The following GPHN variants were observed in gnomAD, a reference collection of about 807,000 sequenced individuals.
The protein encoded by GPHN is gephyrin.
Under a neutral mutation model 95.5 loss-of-function variants are expected in GPHN, and 17 were observed. The ratio of observed to expected loss-of-function variants is 0.18; its 90% CI spans 0.12 to 0.27. The LOEUF is 0.27. Ranked by LOEUF, GPHN falls within the 10% of genes least tolerant of loss-of-function variation. The probability of loss-of-function intolerance (pLI) is 1.00; values close to 1 mark genes in which losing one functional copy is unlikely to be tolerated. For synonymous variants in GPHN, 320 were observed against 322.5 expected, an observed-to-expected ratio of 0.99 and a Z score of 0.08; for missense variants, 660 against 978.1, an observed-to-expected ratio of 0.67 and a Z score of 4.34.
chr14:66,833,502 C>T (rs562898757), intron 4 of GPHN, among the ~76,000 whole-genome samples: 1 of 152,068 alleles, frequency 6.6e-6, no homozygotes, highest in Non-Finnish European at 1.5e-5. Context: ...TCCTTGGAAA[C>T]GAGAATTCAT....
At chr14:67,281,810 AT>A in the GPHN span, among the ~76,000 whole-genome samples, 45 of 146,774 alleles carry the variant, frequency 3.1e-4, no homozygotes, top group Non-Finnish European at 2.3e-4. Context: ...ATTTCTCTTA[AT>A]TTTTTTTTTT....
the GPHN span, chr14:67,561,942 CT>C: frequency 1.3e-6 from 2 of 1,599,212 alleles, no homozygotes; most frequent in East Asian, 2.2e-5. Context: ...CTTCATTTTT[CT>C]TTTTGCTCAG....
intron 2 of GPHN, among the ~76,000 whole-genome samples, chr14:66,732,663 C>T (rs972788245): frequency 3.3e-5 from 5 of 150,042 alleles, no homozygotes; most frequent in African/African-American, 7.5e-5. Context: ...ACTACAGGCA[C>T]GCACTACCAC....
At chr14:67,392,213 G>T in the GPHN span, 1 of 744,110 alleles carries the variant, frequency 1.3e-6, no homozygotes, top group South Asian at 1.5e-5. Context: ...CGTAGATTTT[G>T]CTGTAATTGG....
At chr14:67,725,268 G>C in the GPHN span, 1 of 1,612,448 alleles carries the variant, frequency 6.2e-7, no homozygotes, top group East Asian at 2.2e-5. Context: ...AGGTCCTGAT[G>C]GGTAGGTAGA....
intron 11 of GPHN, among the ~76,000 whole-genome samples, chr14:67,063,590 GTCCTCTT>G: frequency 6.6e-6 from 1 of 152,204 alleles, no homozygotes; most frequent in Admixed American, 6.5e-5. Context: ...ATTTGTTTGT[GTCCTCTT>G]TTATTTCATT....
intron 3 of GPHN, among the ~76,000 whole-genome samples, chr14:66,777,891 G>A (rs1357732465): frequency 5.7e-4 from 86 of 152,144 alleles, no homozygotes; most frequent in Non-Finnish European, 8.5e-4. Context: ...AAAACTGGAA[G>A]CATTCCCTTT....
chr14:67,322,366 A>C, the GPHN span, among the ~76,000 whole-genome samples: 1 of 152,048 alleles, frequency 6.6e-6, no homozygotes, highest in South Asian at 2.1e-4. Flanking sequence ...AAACAAAAAA[A>C]CCTAATTTTA....
chr14:66,826,716 G>A (rs986063362), intron 4 of GPHN, among the ~76,000 whole-genome samples: 1 of 152,164 alleles, frequency 6.6e-6, no homozygotes, highest in Admixed American at 6.6e-5. Flanking sequence ...GAGATGCACA[G>A]GGCAAGGTAT....
intron 8 of GPHN, among the ~76,000 whole-genome samples, chr14:66,927,443 TG>T (rs1232453002): frequency 6.6e-6 from 1 of 152,234 alleles, no homozygotes; most frequent in Non-Finnish European, 1.5e-5. Flanking sequence ...AATGGTTTTT[TG>T]TTGGAGTCTT....
the GPHN span, among the ~76,000 whole-genome samples, chr14:67,558,828 A>G: frequency 6.6e-6 from 1 of 152,258 alleles, no homozygotes; most frequent in African/African-American, 2.4e-5. Context: ...TTTGTGGGCC[A>G]CAGGTCTCTG....
the GPHN span, chr14:67,454,724 G>A: frequency 6.6e-6 from 1 of 152,184 alleles, no homozygotes; most frequent in Non-Finnish European, 1.5e-5. Flanking sequence ...ACTTTAATAA[G>A]TTATATAATA....
chr14:67,347,377 A>T, the GPHN span: 3 of 1,548,716 alleles, frequency 1.9e-6, no homozygotes, highest in Admixed American at 3.5e-5. Flanking sequence ...AATCCCAGAG[A>T]CACAAAGTAA....
At chr14:67,590,947 A>T in the GPHN span, among the ~76,000 whole-genome samples, 38 of 152,354 alleles carry the variant, frequency 2.5e-4, no homozygotes, top group African/African-American at 8.2e-4. Context: ...GTGCAGTTTA[A>T]TATGTAAATA....
chr14:66,666,140 T>C (rs987816706), intron 1 of GPHN, among the ~76,000 whole-genome samples: 1 of 151,796 alleles, frequency 6.6e-6, no homozygotes, highest in South Asian at 2.1e-4. Flanking sequence ...TTAGGAGATA[T>C]ACCTAATGTA....
intron 18 of GPHN, among the ~76,000 whole-genome samples, chr14:67,149,559 A>G (rs973467450): frequency 3.4e-4 from 52 of 152,208 alleles, no homozygotes; most frequent in African/African-American, 1.2e-3. Context: ...AATTCTGAGA[A>G]TCGGGCCTTA....
At chr14:67,725,049 T>C in the GPHN span, 1 of 1,607,094 alleles carries the variant, frequency 6.2e-7, no homozygotes, top group Non-Finnish European at 8.5e-7. Context: ...CTATACCTCC[T>C]TTATAGCCTA....
chr14:67,111,775 C>A, intron 14 of GPHN, 86 bp from the exon 15 acceptor site: 2 of 946,648 alleles, frequency 2.1e-6, no homozygotes, highest in Non-Finnish European at 3.5e-6. Context: ...ATATCCTGGG[C>A]CTATCTGATG....
chr14:66,827,604 T>C (rs969970675), intron 4 of GPHN, among the ~76,000 whole-genome samples: 1 of 152,056 alleles, frequency 6.6e-6, no homozygotes, highest in African/African-American at 2.4e-5. Flanking sequence ...TATTTGTTGC[T>C]ATGTAACTTA....
Sources: allele counts gnomAD v4.1 joint callset (sites outside exome capture counted in the v4.1 genomes callset), GRCh38; gene constraint gnomAD v4.1.1; transcripts MANE v1.5; gene names NCBI Gene and HGNC (gene_info 2026-07-23, HGNC 2026-07-21).